Variants in TPCN2 observed in about 807,000 individuals in gnomAD.
The protein encoded by TPCN2 is two pore segment channel 2, also known as two pore channel protein 2.
A neutral mutation model predicts 111.4 loss-of-function variants in TPCN2; 92 were observed. The ratio of observed to expected loss-of-function variants is 0.83; its 90% CI spans 0.70 to 0.98. The LOEUF is 0.98. TPCN2 is among the 50% of genes least tolerant of loss of function. The probability of loss-of-function intolerance (pLI) is 0.00; values close to 1 mark genes in which losing one functional copy is unlikely to be tolerated. For missense variants in TPCN2, 995 were observed against 980.1 expected, an observed-to-expected ratio of 1.02 and a Z score of -0.20; for synonymous variants, 405 against 414.5, an observed-to-expected ratio of 0.98 and a Z score of 0.28.
chr11:69,057,803 C>T (rs1393878026), intron 5 of TPCN2, 109 bp downstream of exon 5: 4 of 953,950 alleles, frequency 4.2e-6, no homozygotes, highest in Non-Finnish European at 5.1e-6. Flanking sequence ...CCATCCTGCC[C>T]ACCCGCCCAG....
At chr11:69,081,591 C>G (rs950429144) in intron 18 of TPCN2, 92 bp downstream of exon 18, 4 of 951,368 alleles carry the variant, frequency 4.2e-6, no homozygotes, top group Non-Finnish European at 6.3e-6. Context: ...AGGAAGGGCC[C>G]GAGGACTGTG....
At position 69,066,998 on chromosome 11, in the gene TPCN2, C is replaced by T. The variant is rs1855301487; in HGVS notation, c.727-505C>T. 2.6e-5 allele frequency among the ~76,000 whole-genome samples: 4 copies of T among 152,188 alleles called. No individual in the cohort carries two copies. In the South Asian group the frequency reaches 8.3e-4, roughly 32 times the overall value. On this transcript the variant is annotated intron_variant, in intron 7 of 24. Transcript: ENST00000294309. ...CCCCTTACCAATGGCTGTGATTCGC[C>T]ACAGCCACGAGCACAGTGCCACTGA...
intron 13 of TPCN2, among the ~76,000 whole-genome samples, chr11:69,077,291 T>C (rs2134611908): frequency 1.3e-5 from 1 of 75,622 alleles, no homozygotes; most frequent in African/African-American, 5.1e-5. Flanking sequence ...GCCATGTCCC[T>C]CCACTTGCCC....
chr11:69,050,578 G>A (rs1191665623), intron 1 of TPCN2, among the ~76,000 whole-genome samples: 2 of 152,180 alleles, frequency 1.3e-5, no homozygotes, highest in East Asian at 1.9e-4. Flanking sequence ...GGGTTTCACT[G>A]TGTTGGCCAG....
chr11:69,064,775 C>T (rs990703075), intron 7 of TPCN2, among the ~76,000 whole-genome samples: 53 of 152,188 alleles, frequency 3.5e-4, no homozygotes, highest in Non-Finnish European at 5.9e-5. Context: ...AGGGCGGAAG[C>T]GGTCATTGAG....
Position 69,081,504 on chromosome 11 carries a change from G to A in TPCN2, c.1689+5G>A, listed in dbSNP as rs746544529. On this transcript the variant is annotated splice_donor_5th_base_variant and intron_variant, in intron 18 of 24. Transcript: ENST00000294309. ...CGTATCATCCCCAGCATGAAGGTGTGTGCCGGCCCCACCCCCACTCGCCCC... is the reference window on the plus strand; with the variant it reads ...CGTATCATCCCCAGCATGAAGGTGTATGCCGGCCCCACCCCCACTCGCCCC... The A allele has an allele frequency of 4.5e-6, 7 of 1,549,650 alleles. No homozygotes were observed. Among genetic ancestry groups the A allele is most frequent in the African/African-American group, 1.4e-5 (1 of 73,518 alleles).
rs1345039276 is a variant in TPCN2 at position 69,086,695 on chromosome 11, G to A, written c.2085+91G>A. On this transcript the variant is annotated intron_variant, in intron 23 of 24. Transcript: ENST00000294309. Reference sequence around the variant, plus strand: ...CTGAGGCCACCGGCCGGGCCTGCCTGGAACTTTGATGGGAGAGTCGTGCTG... The same window carrying A: ...CTGAGGCCACCGGCCGGGCCTGCCTAGAACTTTGATGGGAGAGTCGTGCTG... 3.8e-6 allele frequency: 5 copies of A among 1,301,594 alleles called. No individual in the cohort carries two copies. In the African/African-American group the frequency reaches 7.3e-5, roughly 19 times the overall value. 80.6% of individuals were successfully genotyped at this position (1,301,594 alleles called of 1,614,324 possible). A position where few individuals can be genotyped will look rare whatever the true frequency, so the allele number is the denominator to read the frequency against.
intron 1 of TPCN2, among the ~76,000 whole-genome samples, chr11:69,052,821 A>G (rs540674672): frequency 6.6e-6 from 1 of 152,182 alleles, no homozygotes; most frequent in South Asian, 2.1e-4. Flanking sequence ...ATGTCACCAC[A>G]TTGTCTTGGT....
rs767117721 is a variant in TPCN2, at chr11:69,054,030, C to T, written c.110-3C>T. ...TCACCTGATGTGTCCCCTCTGCCTG[C>T]AGGTGCCGCGGCCAGGTGGGACCTC... On this transcript the variant is annotated splice_polypyrimidine_tract_variant and splice_region_variant and intron_variant, in intron 1 of 24. Coordinates refer to ENST00000294309, the MANE Select transcript of TPCN2 (RefSeq NM_139075.4). 8 of 1,613,444 alleles carry T rather than the reference C, an allele frequency of 5.0e-6. No individual in the cohort carries two copies. In the South Asian group the frequency reaches 8.8e-5, roughly 18 times the overall value.
At position 69,063,910 on chromosome 11, in the gene TPCN2, G is replaced by C. The variant is rs201759093; in HGVS notation, c.669G>C (p.Leu223=). ...LPEMASVGLL[L]AIHLCLFTMF... ...TCTCCCCCAGCGTCGGGCTGCTGCTGGCCATCCACCTGTGCCTCTTCACCA... is the reference window on the plus strand; with the variant it reads ...TCTCCCCCAGCGTCGGGCTGCTGCTCGCCATCCACCTGTGCCTCTTCACCA... The change falls in exon 7 of 25, where the codon CTG becomes CTC. Residue 223 remains leucine (L), a synonymous_variant. Transcript: ENST00000294309. 21 of 1,614,044 alleles carry C rather than the reference G, an allele frequency of 1.3e-5. No homozygotes were observed. Among genetic ancestry groups the C allele is most frequent in the Non-Finnish European group, 4.2e-6 (5 of 1,179,984 alleles).
intron 3 of TPCN2, among the ~76,000 whole-genome samples, 165 bp downstream of exon 3, chr11:69,054,962 G>A (rs1423703270): frequency 6.6e-6 from 1 of 152,206 alleles, no homozygotes; most frequent in Non-Finnish European, 1.5e-5. Context: ...GCCTGTGATG[G>A]CAGGCTCCTT....
rs781089022 is a variant in TPCN2 at position 69,054,053 on chromosome 11, C to G, written c.130C>G (p.Leu44Val). The G allele has an allele frequency of 1.2e-6, 2 of 1,613,916 alleles. No homozygotes were observed. Among genetic ancestry groups the G allele is most frequent in the South Asian group, 1.1e-5 (1 of 91,086 alleles). Reference sequence around the variant, plus strand: ...TGCAGGTGCCGCGGCCAGGTGGGACCTCTGCATTGATCAGGCTGTGGTCTT... The same window carrying G: ...TGCAGGTGCCGCGGCCAGGTGGGACGTCTGCATTGATCAGGCTGTGGTCTT... ...VGPGAAARWD[L>V]CIDQAVVFIE... The change falls in exon 2 of 25, where the codon CTC becomes GTC. Residue 44 changes from leucine to valine, a missense_variant. By Grantham distance (32) the Leu-to-Val change is conservative. Transcript: ENST00000294309.
chr11:69,066,648 G>C (rs540476129), intron 7 of TPCN2, among the ~76,000 whole-genome samples: 2 of 152,336 alleles, frequency 1.3e-5, no homozygotes, highest in African/African-American at 4.8e-5. Flanking sequence ...TGCCTGCGGG[G>C]TTGCCCCTTG....
At chr11:69,066,769 T>G (rs1855289211) in intron 7 of TPCN2, among the ~76,000 whole-genome samples, 1 of 152,188 alleles carries the variant, frequency 6.6e-6, no homozygotes, top group Admixed American at 6.5e-5. Context: ...CAGTCTGGTT[T>G]GCGGGAACCA....
rs1856373926 is a variant in TPCN2 at position 69,089,136 on chromosome 11, A to G, written c.*1183A>G. 6.6e-6 allele frequency: 1 copy of G among 152,228 alleles called. No individual in the cohort carries two copies. Among genetic ancestry groups the G allele is most frequent in the African/African-American group, 2.4e-5 (1 of 41,426 alleles). 9.4% of individuals were successfully genotyped at this position (152,228 alleles called of 1,614,324 possible). A position where few individuals can be genotyped will look rare whatever the true frequency, so the allele number is the denominator to read the frequency against. On this transcript the variant is annotated 3_prime_UTR_variant, in exon 25 of 25. Coordinates refer to ENST00000294309, the MANE Select transcript of TPCN2 (RefSeq NM_139075.4). ...GAGCCCACGCCATAGCCCCTGTGGG[A>G]TGGTGGGGGAGGGGGCGACCCGAAC...
intron 11 of TPCN2, 23 bp downstream of exon 11, chr11:69,072,046 C>T (rs930789855): frequency 2.5e-6 from 4 of 1,595,880 alleles, no homozygotes; most frequent in Admixed American, 3.4e-5. Context: ...CATGGACCCT[C>T]TTCTCCCTGA....
intron 18 of TPCN2, among the ~76,000 whole-genome samples, chr11:69,082,982 C>T (rs1017064607): frequency 3.6e-4 from 53 of 149,088 alleles, no homozygotes; most frequent in Non-Finnish European, 4.6e-4. Context: ...CTTGTGAACT[C>T]GTGCCCGTGT....
At chr11:69,056,750 C>T (rs569271478) in intron 4 of TPCN2, among the ~76,000 whole-genome samples, 5 of 152,090 alleles carry the variant, frequency 3.3e-5, no homozygotes, top group Non-Finnish European at 7.3e-5. Flanking sequence ...CCAGTATGGT[C>T]TCGATCTCCT....
rs371141244 is a variant in TPCN2 at position 69,054,038 on chromosome 11, G to T, written c.115G>T (p.Ala39Ser). Residue 39 changes from alanine (A) to serine (S), a missense_variant, in exon 2 of 25, where the codon GCG (alanine) becomes TCG (serine). Ala to Ser is a moderately conservative substitution (Grantham distance 99, BLOSUM62 1). Coordinates refer to ENST00000294309, the MANE Select transcript of TPCN2 (RefSeq NM_139075.4). ...TGTGTCCCCTCTGCCTGCAGGTGCC[G>T]CGGCCAGGTGGGACCTCTGCATTGA... The part of the protein sequence containing the change: ...YRSIQVGPGA[A>S]ARWDLCIDQA... 65 of 1,613,750 alleles carry T rather than the reference G, an allele frequency of 4.0e-5. No homozygotes were observed. Among genetic ancestry groups the T allele is most frequent in the Admixed American group, 2.0e-4 (12 of 60,012 alleles).
Sources: allele counts gnomAD v4.1 joint callset (sites outside exome capture counted in the v4.1 genomes callset), GRCh38; gene constraint gnomAD v4.1.1; transcripts MANE v1.5; gene names NCBI Gene and HGNC (gene_info 2026-07-23, HGNC 2026-07-21).